CACNA2D3: variants seen among roughly 807,000 people sequenced by gnomAD.
CACNA2D3 encodes calcium voltage-gated channel auxiliary subunit alpha2delta 3, also known as voltage-dependent calcium channel subunit alpha-2/delta-3.
In CACNA2D3, 60 loss-of-function variants were observed where a neutral mutation model predicts 160.6. The observed-to-expected ratio is 0.37, with a 90% CI of 0.30 to 0.46. The LOEUF (loss-of-function observed/expected upper bound fraction) is 0.46, where lower values mean the gene tolerates loss of function less well. Among genes scored for constraint, CACNA2D3 ranks in the 20% least tolerant of loss-of-function variants. The pLI, the probability that CACNA2D3 is intolerant of heterozygous loss-of-function variation, is 1.00. For missense variants in CACNA2D3, 1,205 were observed against 1,365.0 expected (o/e 0.88, Z 1.85); for synonymous variants, 558 against 492.9 (o/e 1.13, Z -1.75).
intron 2 of CACNA2D3, among the ~76,000 whole-genome samples, chr3:54,260,420 A>G (rs536936070): frequency 6.6e-6 from 1 of 152,340 alleles, no homozygotes; most frequent in African/African-American, 2.4e-5. Flanking sequence ...TTGCTGTGTC[A>G]TAACATGGCA....
At chr3:54,835,933 A>G (rs559409250) in intron 14 of CACNA2D3, among the ~76,000 whole-genome samples, 1 of 152,288 alleles carries the variant, frequency 6.6e-6, no homozygotes, top group African/African-American at 2.4e-5. Flanking sequence ...TCATGGCAAC[A>G]GTGCTGGGGA....
intron 3 of CACNA2D3, among the ~76,000 whole-genome samples, chr3:54,326,186 G>A (rs1181567787): frequency 6.6e-6 from 1 of 152,184 alleles, no homozygotes; most frequent in African/African-American, 2.4e-5. Context: ...CATGCAGCAA[G>A]ACATTTTTCC....
chr3:54,194,475 C>A (rs540546746), intron 2 of CACNA2D3, among the ~76,000 whole-genome samples: 27 of 152,274 alleles, frequency 1.8e-4, no homozygotes, highest in Admixed American at 4.6e-4. Flanking sequence ...TCCTGTCTCC[C>A]ACCTCCTTGT....
chr3:54,134,827 C>T (rs1699787078), intron 2 of CACNA2D3, among the ~76,000 whole-genome samples: 1 of 152,226 alleles, frequency 6.6e-6, no homozygotes, highest in Non-Finnish European at 1.5e-5. Context: ...TAGAGTCTCC[C>T]CCAGAAGCAT....
intron 2 of CACNA2D3, among the ~76,000 whole-genome samples, chr3:54,296,175 G>C (rs1703339203): frequency 6.6e-6 from 1 of 152,214 alleles, no homozygotes; most frequent in South Asian, 2.1e-4. Flanking sequence ...CTGGGCACTG[G>C]GGTAAGAGAT....
chr3:54,422,679 A>G (rs1699856091), intron 4 of CACNA2D3, among the ~76,000 whole-genome samples: 1 of 152,180 alleles, frequency 6.6e-6, no homozygotes, highest in African/African-American at 2.4e-5. Context: ...GATGATGATG[A>G]TGATGATATC....
chr3:54,381,560 C>T (rs577029435), intron 3 of CACNA2D3, among the ~76,000 whole-genome samples: 12 of 152,246 alleles, frequency 7.9e-5, no homozygotes, highest in African/African-American at 2.9e-4. Context: ...TCCGGTTTTC[C>T]GCTTCTGGCC....
chr3:54,968,565 T>A, intron 28 of CACNA2D3, 54 bp downstream of exon 28: 1 of 1,352,558 alleles, frequency 7.4e-7, no homozygotes, highest in East Asian at 2.4e-5. Context: ...TATACAGGTG[T>A]TCCCATTTGG....
chr3:54,764,503 C>T, intron 13 of CACNA2D3, 152 bp downstream of exon 13: 2 of 887,790 alleles, frequency 2.3e-6, no homozygotes, highest in Non-Finnish European at 3.3e-6. Flanking sequence ...CCTTGACAAG[C>T]AAAGTTGGTG....
intron 2 of CACNA2D3, among the ~76,000 whole-genome samples, chr3:54,242,115 A>C (rs1001860597): frequency 6.6e-6 from 1 of 152,156 alleles, no homozygotes; most frequent in African/African-American, 2.4e-5. Flanking sequence ...AAAGATTAAA[A>C]ATAACTAATA....
intron 3 of CACNA2D3, chr3:54,385,975 C>CT (rs756013113): frequency 7.7e-5 from 39 of 505,040 alleles, no homozygotes; most frequent in African/African-American, 7.4e-4. Flanking sequence ...TGGGAAATAT[C>CT]TTATTGTAGG....
In CACNA2D3 at chr3:54,642,203, G is replaced by A. The variant is rs1699536283; in HGVS notation, c.1129G>A (p.Asp377Asn). Residue 377 changes from aspartate to asparagine, a missense_variant, in exon 11 of 38, where the codon GAT becomes AAT. Physicochemically the swap from Asp to Asn is conservative, Grantham distance 23. Coordinates refer to ENST00000474759, the MANE Select transcript of CACNA2D3 (RefSeq NM_018398.3). The stretch of plus-strand genomic sequence containing the variant: ...AACTGATGGGGCGGTGGACACCTAT[G>A]ATACAATCTTTGCAAAATACAATTG... ...LITDGAVDTY[D>N]TIFAKYNWPD... 6.2e-7 allele frequency: 1 copy of A among 1,612,894 alleles called. No homozygotes were observed. Among genetic ancestry groups the A allele is most frequent in the Non-Finnish European group, 8.5e-7 (1 of 1,179,486 alleles).
At chr3:55,072,062 G>A (rs957205248) in intron 35 of CACNA2D3, among the ~76,000 whole-genome samples, 14 of 152,232 alleles carry the variant, frequency 9.2e-5, no homozygotes. Flanking sequence ...GTTAAAGAGG[G>A]AAGGTAAAGA....
At chr3:55,019,626 T>G (rs942943238) in intron 35 of CACNA2D3, among the ~76,000 whole-genome samples, 1 of 152,210 alleles carries the variant, frequency 6.6e-6, no homozygotes, top group African/African-American at 2.4e-5. Flanking sequence ...TCCAACACAC[T>G]GCTAAATGCT....
chr3:54,375,487 G>T (rs981704823), intron 3 of CACNA2D3, among the ~76,000 whole-genome samples: 1 of 152,122 alleles, frequency 6.6e-6, no homozygotes, highest in Non-Finnish European at 1.5e-5. Context: ...CATTTGAGCT[G>T]CAGAGTGACC....
intron 28 of CACNA2D3, among the ~76,000 whole-genome samples, chr3:54,969,440 T>C (rs1473024706): frequency 6.6e-6 from 1 of 152,012 alleles, no homozygotes; most frequent in Non-Finnish European, 1.5e-5. Flanking sequence ...TTGTATGTTT[T>C]AGTAGAGATG....
intron 11 of CACNA2D3, among the ~76,000 whole-genome samples, chr3:54,720,024 T>G (rs1701141100): frequency 6.6e-6 from 1 of 152,012 alleles, no homozygotes; most frequent in African/African-American, 2.4e-5. Context: ...TAATTTATGT[T>G]TTCACTCATT....
At chr3:54,710,176 G>A (rs893913616) in intron 11 of CACNA2D3, among the ~76,000 whole-genome samples, 2 of 152,170 alleles carry the variant, frequency 1.3e-5, no homozygotes, top group Non-Finnish European at 2.9e-5. Context: ...TGGTTACTGA[G>A]AAGTCAGGAA....
intron 27 of CACNA2D3, among the ~76,000 whole-genome samples, chr3:54,943,059 A>G (rs1036404321): frequency 6.6e-6 from 1 of 151,836 alleles, no homozygotes; most frequent in African/African-American, 2.4e-5. Flanking sequence ...AAAATTAACC[A>G]TGTGTGGTAG....
Sources: gnomAD v4.1 joint callset for allele counts (sites outside exome capture counted in the v4.1 genomes callset) on GRCh38, gnomAD v4.1.1 for gene constraint, MANE v1.5 for transcripts, NCBI Gene and HGNC (gene_info 2026-07-23, HGNC 2026-07-21) for gene names.